TMEM232: variants seen among roughly 807,000 people sequenced by gnomAD.
The protein encoded by TMEM232 is transmembrane protein 232.
Under a neutral mutation model 78.8 loss-of-function variants are expected in TMEM232, and 80 were observed. That is an observed-to-expected ratio of 1.01 (90% CI 0.85 to 1.22). The LOEUF is 1.22. Ranked by LOEUF, TMEM232 falls within the 50% of genes most tolerant of loss-of-function variation. TMEM232 has a pLI of 0.00. For missense variants in TMEM232, 881 were observed against 742.2 expected (o/e 1.19, Z -2.17); for synonymous variants, 297 against 254.3 (o/e 1.17, Z -1.60).
chr5:110,434,625 C>G (rs1168765927), intron 12 of TMEM232, among the ~76,000 whole-genome samples: 1 of 151,930 alleles, frequency 6.6e-6, no homozygotes, highest in Non-Finnish European at 1.5e-5. Flanking sequence ...TACTATCATC[C>G]TGATACCAAA....
At chr5:110,508,870 A>G (rs556125633) in intron 12 of TMEM232, among the ~76,000 whole-genome samples, 76 of 144,186 alleles carry the variant, frequency 5.3e-4, no homozygotes, top group Middle Eastern at 7.2e-3. Flanking sequence ...ATATATACAC[A>G]CACACATATA....
chr5:110,507,656 T>G (rs1767075693), intron 12 of TMEM232, among the ~76,000 whole-genome samples: 2 of 152,220 alleles, frequency 1.3e-5, no homozygotes, highest in Non-Finnish European at 1.5e-5. Flanking sequence ...CAGAAATAGT[T>G]CCATCATGGA....
At chr5:110,549,018 G>A (rs1774125145) in intron 11 of TMEM232, among the ~76,000 whole-genome samples, 2 of 151,932 alleles carry the variant, frequency 1.3e-5, no homozygotes, top group Admixed American at 6.6e-5. Flanking sequence ...TCTAAACAAT[G>A]TATGGTTTAA....
chr5:110,665,996 G>A (rs762086216), intron 2 of TMEM232, among the ~76,000 whole-genome samples: 4 of 151,946 alleles, frequency 2.6e-5, no homozygotes, highest in Non-Finnish European at 5.9e-5. Flanking sequence ...TTGAGCCCAG[G>A]ATTATAGTAA....
upstream of TMEM232, among the ~76,000 whole-genome samples, chr5:110,731,475 G>A (rs766425845): frequency 2.2e-4 from 34 of 152,220 alleles, no homozygotes; most frequent in Non-Finnish European, 4.1e-4. Flanking sequence ...ACTTTTGCCT[G>A]GGCACCCAGG....
rs184835540 is a variant in TMEM232, at chr5:110,426,565, T to C, written c.1704-1649A>G. 6.3e-4 allele frequency among the ~76,000 whole-genome samples: 96 copies of C among 151,816 alleles called. 1 individual carries two copies. The highest frequency in any genetic ancestry group is 2.2e-3 in the African/African-American group (92 of 41,396). On this transcript the variant is annotated intron_variant, in intron 12 of 13. Transcript: ENST00000455884. Reference sequence around the variant, plus strand: ...GCAATCTCAGGAGACATGTTGAGAGTAGAGTTGACAGTAGGAGTTCAAAAG... The same window carrying C: ...GCAATCTCAGGAGACATGTTGAGAGCAGAGTTGACAGTAGGAGTTCAAAAG...
chr5:110,461,193 C>CA (rs1017271016), intron 12 of TMEM232, among the ~76,000 whole-genome samples: 7 of 149,378 alleles, frequency 4.7e-5, no homozygotes, highest in Non-Finnish European at 1.0e-4. Context: ...GCTGTGAATG[C>CA]AAAAAAAAGA....
At chr5:110,466,938 C>T (rs1267754980) in intron 12 of TMEM232, among the ~76,000 whole-genome samples, 3 of 151,430 alleles carry the variant, frequency 2.0e-5, no homozygotes, top group Non-Finnish European at 4.4e-5. Context: ...GGATAAGCCA[C>T]CTCCAAAAAA....
intron 1 of TMEM232, among the ~76,000 whole-genome samples, chr5:110,675,237 G>A (rs1791880263): frequency 6.6e-6 from 1 of 151,840 alleles, no homozygotes; most frequent in Non-Finnish European, 1.5e-5. Flanking sequence ...TAGAGACGGG[G>A]TTTCACTATG....
At chr5:110,695,371 G>A (rs184994629) in intron 1 of TMEM232, among the ~76,000 whole-genome samples, 113 of 152,026 alleles carry the variant, frequency 7.4e-4, no homozygotes, top group African/African-American at 2.6e-3. Flanking sequence ...AAATTGACAC[G>A]GTAACATCAC....
rs1027146966 is a variant in TMEM232 at position 110,661,502 on chromosome 5, G to A, written c.125+5726C>T. 6.6e-5 allele frequency among the ~76,000 whole-genome samples: 10 copies of A among 152,078 alleles called. 1 individual carries two copies. Among genetic ancestry groups the A allele is most frequent in the African/African-American group, 1.7e-4 (7 of 41,492 alleles). On this transcript the variant is annotated intron_variant, in intron 2 of 13. Transcript: ENST00000455884. ...TGATTTTTGTAATTTTTGTAGAGGCGGGTTTTGCCATGTTACCCAGGCTGG... is the reference window on the plus strand; with the variant it reads ...TGATTTTTGTAATTTTTGTAGAGGCAGGTTTTGCCATGTTACCCAGGCTGG...
chr5:110,400,089 T>C (rs1755535862), intron 2 of TMEM232, among the ~76,000 whole-genome samples: 1 of 152,142 alleles, frequency 6.6e-6, no homozygotes, highest in African/African-American at 2.4e-5. Context: ...TCCTTAGCCT[T>C]GTGCTACCAT....
chr5:110,679,509 A>C (rs372809336), intron 1 of TMEM232, among the ~76,000 whole-genome samples: 1 of 152,164 alleles, frequency 6.6e-6, no homozygotes, highest in East Asian at 1.9e-4. Context: ...CTTTAACAGG[A>C]CAGAAGTTGA....
intron 12 of TMEM232, among the ~76,000 whole-genome samples, chr5:110,432,369 A>G (rs1485138117): frequency 6.6e-6 from 1 of 151,710 alleles, no homozygotes; most frequent in Non-Finnish European, 1.5e-5. Context: ...AAAGAATTTC[A>G]AATCCTGCCA....
In TMEM232 at chr5:110,591,516, T is replaced by C. The variant is rs533211960; in HGVS notation, c.1276+13593A>G. Among the ~76,000 whole-genome samples the C allele has an allele frequency of 3.9e-5, 6 of 152,326 alleles. No individual in the cohort carries two copies. The South Asian group carries it at 1.2e-3, about 32-fold the overall frequency. On this transcript the variant is annotated intron_variant, in intron 10 of 13. Transcript: ENST00000455884. ...CACCTATAGTTTCTCACTATAATAATATTAAACTACATTAACCACCATAAC... is the reference window on the plus strand; with the variant it reads ...CACCTATAGTTTCTCACTATAATAACATTAAACTACATTAACCACCATAAC...
At chr5:110,641,204 G>C (rs1047380042) in intron 3 of TMEM232, among the ~76,000 whole-genome samples, 1 of 152,054 alleles carries the variant, frequency 6.6e-6, no homozygotes, top group Non-Finnish European at 1.5e-5. Context: ...ATGTAAAAAA[G>C]TTGATATTAC....
intron 6 of TMEM232, chr5:110,625,651 A>G (rs1784337955): frequency 3.6e-6 from 1 of 281,224 alleles, no homozygotes; most frequent in Non-Finnish European, 6.5e-6. Flanking sequence ...ATAATTCAGG[A>G]CAGCAATTTC....
At chr5:110,409,326 A>G (rs538035056) in intron 2 of TMEM232, among the ~76,000 whole-genome samples, 6 of 152,340 alleles carry the variant, frequency 3.9e-5, no homozygotes, top group African/African-American at 1.2e-4. Context: ...GGAGCCAACA[A>G]TGCACACAAC....
chr5:110,639,334 GAATTA>G (rs1786346027), intron 4 of TMEM232, among the ~76,000 whole-genome samples: 1 of 152,140 alleles, frequency 6.6e-6, no homozygotes, highest in Non-Finnish European at 1.5e-5. Flanking sequence ...GTATTACTTA[GAATTA>G]AATATGTGAA....
Sources: gnomAD v4.1 joint callset for allele counts (sites outside exome capture counted in the v4.1 genomes callset) on GRCh38, gnomAD v4.1.1 for gene constraint, MANE v1.5 for transcripts, NCBI Gene and HGNC (gene_info 2026-07-23, HGNC 2026-07-21) for gene names.